The following NUP210 variants were observed in gnomAD, a reference collection of about 807,000 sequenced individuals.
NUP210 encodes the protein nuclear pore membrane glycoprotein 210.
NUP210 carries 151 observed loss-of-function variants against 196.0 expected under a neutral mutation model. The ratio of observed to expected loss-of-function variants is 0.77; its 90% CI spans 0.67 to 0.88. NUP210 has a LOEUF of 0.88. Among genes scored for constraint, NUP210 ranks in the 40% least tolerant of loss-of-function variants. The probability of loss-of-function intolerance (pLI) is 0.00; values close to 1 mark genes in which losing one functional copy is unlikely to be tolerated. For synonymous variants in NUP210, 1,070 were observed against 1,052.7 expected (o/e 1.02, Z -0.32); for missense variants, 2,314 against 2,493.7 (o/e 0.93, Z 1.53).
At position 13,317,643 on chromosome 3, in the gene NUP210, C is replaced by T. The variant is rs1409221381; in HGVS notation, c.*38G>A. The T allele has an allele frequency of 6.9e-7, 1 of 1,451,838 alleles. No individual in the cohort carries two copies. 89.9% of individuals were successfully genotyped at this position (1,451,838 alleles called of 1,614,324 possible). On this transcript the variant is annotated 3_prime_UTR_variant, in exon 40 of 40. Coordinates refer to ENST00000254508, the MANE Select transcript of NUP210 (RefSeq NM_024923.4). ...TGTTCCATCTTGGGGGTGCACGAGG[C>T]TCGGCTGAGACCCATCCTCCGGGAA...
chr3:13,394,852 C>T (rs1462980698), intron 3 of NUP210, among the ~76,000 whole-genome samples: 1 of 152,136 alleles, frequency 6.6e-6, no homozygotes, highest in Non-Finnish European at 1.5e-5. Context: ...ACAGAGGAGA[C>T]TCTGATCAGA....
chr3:13,390,444 C>T lies in NUP210; in HGVS notation c.533+767G>A, dbSNP rs140464150. Among the ~76,000 whole-genome samples the T allele has an allele frequency of 3.3e-3, 504 of 152,366 alleles. 5 individuals are homozygous for T. The highest frequency in any genetic ancestry group is 0.012 in the African/African-American group (488 of 41,590). ...TCAGACCTGGGACCTGCACCAGCAC[C>T]GGCAGAGGACCCGCGTGGCTCTGCT... On this transcript the variant is annotated intron_variant, in intron 4 of 39. Transcript: ENST00000254508.
At chr3:13,366,404 T>A (rs1318648821) in intron 13 of NUP210, among the ~76,000 whole-genome samples, 1 of 152,118 alleles carries the variant, frequency 6.6e-6, no homozygotes, top group Non-Finnish European at 1.5e-5. Context: ...AGTGCTGGGA[T>A]CACAGGTGTG....
rs960761735 is a variant in NUP210 at position 13,326,420 on chromosome 3, A to G, written c.4508-489T>C. Among the ~76,000 whole-genome samples, 6 of 152,354 alleles carry G rather than the reference A, an allele frequency of 3.9e-5. No homozygotes were observed. The South Asian group carries it at 1.2e-3, about 32-fold the overall frequency. ...CACATACACATCTGAGTTAAAAGCC[A>G]ATCACATTATATAATAAGTACAATT... On this transcript the variant is annotated intron_variant, in intron 32 of 39. Transcript: ENST00000254508.
intron 36 of NUP210, 34 bp from the exon 37 acceptor site, chr3:13,320,013 C>T (rs1431081336): frequency 2.5e-6 from 4 of 1,595,844 alleles, no homozygotes; most frequent in Non-Finnish European, 3.4e-6. Context: ...GGTGCACATT[C>T]TGCAGAGTGG....
chr3:13,353,514 G>C (rs765984617), intron 18 of NUP210, 40 bp downstream of exon 18: 6 of 1,522,228 alleles, frequency 3.9e-6, no homozygotes. Flanking sequence ...GGCTTGCCCC[G>C]CTACCCATAG....
chr3:13,391,124 G>C, intron 4 of NUP210, 87 bp downstream of exon 4: 1 of 899,888 alleles, frequency 1.1e-6, no homozygotes, highest in Non-Finnish European at 1.8e-6. Flanking sequence ...TGACCCAGAT[G>C]AAAGCCCCCC....
At position 13,353,576 on chromosome 3, in the gene NUP210, C is replaced by T. The variant is rs368393714; in HGVS notation, c.2606G>A (p.Ser869Asn). The change falls in exon 18 of 40, where the codon AGC (serine) becomes AAC (asparagine). Residue 869 changes from serine (S) to asparagine (N), a missense_variant. Ser to Asn is a conservative substitution (Grantham distance 46). Transcript: ENST00000254508. ...TATGYQESHL[S>N]SARTKQPHDP... ...TACCGGCTGCTTTGTTCTGGCAGAG[C>T]TGAGGTGGGACTCCTGGTAGCCAGT... The T allele has an allele frequency of 6.2e-7, 1 of 1,614,000 alleles. No individual in the cohort carries two copies. Among genetic ancestry groups the T allele is most frequent in the African/African-American group, 1.3e-5 (1 of 74,916 alleles).
At chr3:13,397,869 G>A (rs924984760) in intron 2 of NUP210, among the ~76,000 whole-genome samples, 11 of 152,222 alleles carry the variant, frequency 7.2e-5, no homozygotes, top group Admixed American at 5.2e-4. Flanking sequence ...TAGGGATTAC[G>A]CTGGTGGTTT....
At chr3:13,411,927 G>A (rs1700186006) in intron 1 of NUP210, among the ~76,000 whole-genome samples, 1 of 152,050 alleles carries the variant, frequency 6.6e-6, no homozygotes, top group Admixed American at 6.6e-5. Context: ...ATTTTTAGTA[G>A]AGATGGGGTT....
At chr3:13,399,635 G>C (rs1165816539) in intron 2 of NUP210, 90 bp downstream of exon 2, 3 of 1,560,910 alleles carry the variant, frequency 1.9e-6, no homozygotes, top group African/African-American at 2.7e-5. Context: ...CCTGCCATGG[G>C]CTCAGGTAGC....
At chr3:13,384,038 C>T (rs557464808) in intron 6 of NUP210, among the ~76,000 whole-genome samples, 1 of 152,360 alleles carries the variant, frequency 6.6e-6, no homozygotes, top group South Asian at 2.1e-4. Context: ...TCTCGGCTCA[C>T]TGCAACCTCC....
intron 1 of NUP210, among the ~76,000 whole-genome samples, chr3:13,410,917 CA>C (rs35395985): frequency 1.7e-3 from 128 of 77,470 alleles, no homozygotes; most frequent in Non-Finnish European, 1.9e-3. Context: ...GACTCTGTCT[CA>C]AAAAAAAAAA....
At chr3:13,368,028 C>T (rs4684130) in intron 13 of NUP210, among the ~76,000 whole-genome samples, 88,641 of 152,052 alleles carry the variant, frequency 0.58, 27,084 homozygotes, top group African/African-American at 0.77. Context: ...TGTCAATTTA[C>T]ACTGCTGCCA....
chr3:13,340,069 G>T lies in NUP210; in HGVS notation c.3292-36C>A, dbSNP rs746176396. The T allele has an allele frequency of 4.4e-6, 7 of 1,607,236 alleles. No individual in the cohort carries two copies. The highest frequency in any genetic ancestry group is 6.0e-6 in the Non-Finnish European group (7 of 1,175,484). Reference sequence around the variant, plus strand: ...AGGAAACAGCGGCGTGTCAGTGCCCGTCATGCCAGGCAGCCCGCACCTCCC... The same window carrying T: ...AGGAAACAGCGGCGTGTCAGTGCCCTTCATGCCAGGCAGCCCGCACCTCCC... On this transcript the variant is annotated intron_variant, in intron 24 of 39. Transcript: ENST00000254508. This position sits in a 1 kb window ranked among gnomAD's most constrained non-coding sequence, Gnocchi z 4.0.
Position 13,317,369 on chromosome 3 carries a change from G to C in NUP210, c.*312C>G, listed in dbSNP as rs1028744153. ...TTGAGAAGGGAAAGATTTTAGCAAGGCTAGGAAAATAAAAATGCAACAGCA... is the reference window on the plus strand; with the variant it reads ...TTGAGAAGGGAAAGATTTTAGCAAGCCTAGGAAAATAAAAATGCAACAGCA... On this transcript the variant is annotated 3_prime_UTR_variant, in exon 40 of 40. Transcript: ENST00000254508. 3 of 382,166 alleles carry C rather than the reference G, an allele frequency of 7.8e-6. No individual in the cohort carries two copies. Among genetic ancestry groups the C allele is most frequent in the Admixed American group, 4.4e-5 (1 of 22,574 alleles). 23.7% of individuals were successfully genotyped at this position (382,166 alleles called of 1,614,324 possible). A position where few individuals can be genotyped will look rare whatever the true frequency, so the allele number is the denominator to read the frequency against.
At chr3:13,321,503 C>T in intron 36 of NUP210, 82 bp downstream of exon 36, 1 of 1,455,592 alleles carries the variant, frequency 6.9e-7, no homozygotes, top group Admixed American at 2.0e-5. Context: ...CCCAGGACAT[C>T]CACACCACAT....
intron 20 of NUP210, 39 bp from the exon 21 acceptor site, chr3:13,343,342 G>GGGGGGGGGGGGGGGGGGGGGGGGT (rs1469521194): frequency 2.0e-5 from 13 of 655,986 alleles, no homozygotes; most frequent in East Asian, 4.4e-5. Flanking sequence ...TGGGTGGTGG[G>GGGGGGGGGGGGGGGGGGGGGGGGT]TTACGCAGCT....
Position 13,375,526 on chromosome 3 carries a change from C to T in NUP210, c.1409G>A (p.Gly470Asp). The change falls in exon 11 of 40, where the codon GGC becomes GAC. Residue 470 changes from glycine (G) to aspartate (D), a missense_variant. Coordinates refer to ENST00000254508, the MANE Select transcript of NUP210 (RefSeq NM_024923.4). ...ILTFPWQPKT[G>D]AYQYTIRAHG... Reference sequence around the variant, plus strand: ...TACCCTTATTGTGTACTGATAGGCGCCCGTCTTTGGTTGCCACGGAAATGT... The same window carrying T: ...TACCCTTATTGTGTACTGATAGGCGTCCGTCTTTGGTTGCCACGGAAATGT... 6.2e-7 allele frequency: 1 copy of T among 1,614,128 alleles called. No individual in the cohort carries two copies. Among genetic ancestry groups the T allele is most frequent in the Non-Finnish European group, 8.5e-7 (1 of 1,180,020 alleles).
Sources: allele counts gnomAD v4.1 joint callset (sites outside exome capture counted in the v4.1 genomes callset), GRCh38; gene constraint gnomAD v4.1.1; non-coding constraint Gnocchi (gnomAD v3.1); transcripts MANE v1.5; gene names NCBI Gene and HGNC (gene_info 2026-07-23, HGNC 2026-07-21).